Variants in PDZD2 observed in about 807,000 individuals in gnomAD.
PDZD2 encodes the protein PDZ domain-containing protein 2.
A neutral mutation model predicts 220.7 loss-of-function variants in PDZD2; 90 were observed. The observed-to-expected ratio is 0.41, with a 90% confidence interval of 0.34 to 0.49. PDZD2 has a LOEUF of 0.49. Among genes scored for constraint, PDZD2 ranks in the 20% least tolerant of loss-of-function variants. The pLI is 0.28. For synonymous variants in PDZD2, 1,375 were observed against 1,450.5 expected (o/e 0.95, Z 1.18); for missense variants, 3,174 against 3,608.5 (o/e 0.88, Z 3.08).
intron 18 of PDZD2, among the ~76,000 whole-genome samples, chr5:32,075,075 G>A (rs545426472): frequency 3.2e-4 from 49 of 152,282 alleles, no homozygotes; most frequent in African/African-American, 1.2e-3. Flanking sequence ...GCCTCCTGAA[G>A]TGCTGGGATT....
chr5:31,911,751 T>C (rs1332013885), intron 2 of PDZD2, among the ~76,000 whole-genome samples: 1 of 151,986 alleles, frequency 6.6e-6, no homozygotes, highest in East Asian at 1.9e-4. Context: ...AGCAGAAAAA[T>C]CATGCTGCCT....
At chr5:31,999,692 A>T (rs893321080) in intron 4 of PDZD2, among the ~76,000 whole-genome samples, 1 of 152,098 alleles carries the variant, frequency 6.6e-6, no homozygotes, top group Non-Finnish European at 1.5e-5. Flanking sequence ...GGAAGAGAGG[A>T]GTGCAGTGCA....
chr5:32,082,025 G>GTTT (rs35433686), intron 19 of PDZD2, among the ~76,000 whole-genome samples: 3 of 132,204 alleles, frequency 2.3e-5, no homozygotes, highest in Non-Finnish European at 1.6e-5. Context: ...GCATATCTTT[G>GTTT]TTTTTTTTTT....
intron 1 of PDZD2, among the ~76,000 whole-genome samples, chr5:31,766,862 T>G (rs1752054079): frequency 6.6e-6 from 1 of 151,796 alleles, no homozygotes; most frequent in South Asian, 2.1e-4. Flanking sequence ...CCTGAGTAGC[T>G]GCAATTAAAG....
chr5:31,779,761 G>C (rs558214189), intron 1 of PDZD2, among the ~76,000 whole-genome samples: 1 of 152,164 alleles, frequency 6.6e-6, no homozygotes, highest in East Asian at 1.9e-4. Context: ...CGGGGTAGTG[G>C]GCACTCAGTA....
intron 21 of PDZD2, among the ~76,000 whole-genome samples, chr5:32,093,987 A>T (rs1240645280): frequency 6.6e-6 from 1 of 152,146 alleles, no homozygotes; most frequent in South Asian, 2.1e-4. Flanking sequence ...CAATTAAAAA[A>T]AAAAAGTCAT....
chr5:31,725,722 A>G, intron 1 of PDZD2: 1 of 880,782 alleles, frequency 1.1e-6, no homozygotes, highest in Non-Finnish European at 1.9e-6. Context: ...TATGAGATGC[A>G]GGCCTGCAAC....
At chr5:31,822,584 G>GT in intron 2 of PDZD2, 7 of 1,134,500 alleles carry the variant, frequency 6.2e-6, no homozygotes, top group Non-Finnish European at 7.6e-6. Flanking sequence ...TGAATGGTTC[G>GT]TTTTTTCAGA....
At chr5:31,813,532 A>G (rs34301697) in intron 2 of PDZD2, among the ~76,000 whole-genome samples, 35,900 of 151,530 alleles carry the variant, frequency 0.24, 5,546 homozygotes, top group African/African-American at 0.44. Context: ...AGTGTTTAAA[A>G]TTACGTATTA....
intron 2 of PDZD2, among the ~76,000 whole-genome samples, chr5:31,895,206 C>T (rs1377869485): frequency 6.6e-6 from 1 of 152,090 alleles, no homozygotes; most frequent in Non-Finnish European, 1.5e-5. Flanking sequence ...TTTCTTTTGC[C>T]AAGTGCAATG....
At chr5:31,831,514 C>T (rs773269704) in intron 2 of PDZD2, among the ~76,000 whole-genome samples, 4 of 151,896 alleles carry the variant, frequency 2.6e-5, no homozygotes, top group African/African-American at 4.8e-5. Context: ...TTTGGGAGGC[C>T]GAGGCGGGTG....
chr5:32,052,475 T>A (rs1738657627), intron 8 of PDZD2, 136 bp from the exon 9 acceptor site: 5 of 833,496 alleles, frequency 6.0e-6, no homozygotes, highest in South Asian at 3.1e-5. Context: ...GAAACTTTTT[T>A]AAGTCACTGA....
chr5:31,661,845 G>T (rs149136892), intron 1 of PDZD2, among the ~76,000 whole-genome samples: 3 of 145,420 alleles, frequency 2.1e-5, no homozygotes, highest in Admixed American at 7.1e-5. Context: ...GGTAAATGTC[G>T]TAACTGTACA....
At chr5:31,647,867 G>A (rs1226994449) in intron 1 of PDZD2, among the ~76,000 whole-genome samples, 1 of 152,122 alleles carries the variant, frequency 6.6e-6, no homozygotes, top group African/African-American at 2.4e-5. Flanking sequence ...ATTCTCTGAG[G>A]TTGCACAGCC....
chr5:32,034,354 AT>A (rs753294040), intron 6 of PDZD2, among the ~76,000 whole-genome samples: 1,862 of 131,588 alleles, frequency 0.014, 14 homozygotes, highest in African/African-American at 0.032. Flanking sequence ...GGAACCAGGA[AT>A]TTTTTTTTTT....
chr5:31,758,649 G>A (rs1751441349), intron 1 of PDZD2, among the ~76,000 whole-genome samples: 1 of 152,144 alleles, frequency 6.6e-6, no homozygotes, highest in Non-Finnish European at 1.5e-5. Flanking sequence ...ACTTAGAAAT[G>A]CCTCTGATTT....
chr5:32,002,256 G>T (rs1177509159), intron 5 of PDZD2, among the ~76,000 whole-genome samples: 1 of 152,084 alleles, frequency 6.6e-6, no homozygotes, highest in Admixed American at 6.6e-5. Context: ...GGAAGAGGGG[G>T]CGTCTGAGTC....
intron 7 of PDZD2, among the ~76,000 whole-genome samples, chr5:32,038,677 G>C (rs1755760791): frequency 1.3e-5 from 2 of 152,206 alleles, no homozygotes; most frequent in Non-Finnish European, 2.9e-5. Flanking sequence ...GGTGGCATGG[G>C]CCCTCAGCAC....
At chr5:32,046,426 A>G (rs1473930679) in intron 7 of PDZD2, among the ~76,000 whole-genome samples, 1 of 152,118 alleles carries the variant, frequency 6.6e-6, no homozygotes, top group Non-Finnish European at 1.5e-5. Flanking sequence ...GTATTTTAAT[A>G]GAGATAGGGT....
Sources: allele counts gnomAD v4.1 joint callset (sites outside exome capture counted in the v4.1 genomes callset), GRCh38; gene constraint gnomAD v4.1.1; transcripts MANE v1.5; gene names NCBI Gene and HGNC (gene_info 2026-07-23, HGNC 2026-07-21).